The following ZCWPW2 variants were observed in gnomAD, a reference collection of about 807,000 sequenced individuals.
ZCWPW2 encodes zinc finger CW-type PWWP domain protein 2.
In ZCWPW2, 45 loss-of-function variants were observed where a neutral mutation model predicts 46.6. The observed-to-expected ratio is 0.96, with a 90% CI of 0.76 to 1.24. The LOEUF is 1.24. Ranked by LOEUF, ZCWPW2 falls within the 50% of genes most tolerant of loss-of-function variation. The pLI is 0.00. For missense variants in ZCWPW2, 429 were observed against 403.9 expected, an observed-to-expected ratio of 1.06 and a Z score of -0.53; for synonymous variants, 152 against 137.1, an observed-to-expected ratio of 1.11 and a Z score of -0.76.
At chr3:28,354,094 G>A (rs939011511) in intron 1 of ZCWPW2, among the ~76,000 whole-genome samples, 3 of 151,976 alleles carry the variant, frequency 2.0e-5, no homozygotes, top group Admixed American at 6.6e-5. Context: ...GAGGTAAAAC[G>A]TATTAGAGAA....
chr3:28,514,133 T>C lies in ZCWPW2; in HGVS notation c.716+11T>C, dbSNP rs1367838086. The C allele has an allele frequency of 6.9e-7, 1 of 1,440,032 alleles. No homozygotes were observed. Among genetic ancestry groups the C allele is most frequent in the Admixed American group, 2.0e-5 (1 of 49,820 alleles). The allele number at this position is 1,440,032 out of a possible 1,614,324, so 89.2% of individuals were successfully genotyped here. ...TAGAAAAAGGAAAAGGTATGCTTTT[T>C]GAAATTAAATAGTATTATGATAAAA... is the stretch of plus-strand genomic sequence containing the variant. On this transcript the variant is annotated intron_variant, in intron 7 of 9. Transcript: ENST00000383768.
In ZCWPW2 at chr3:28,365,465, A is replaced by G. The variant is rs1220806405; in HGVS notation, c.-134+16262A>G. On this transcript the variant is annotated intron_variant, in intron 1 of 9. Coordinates refer to ENST00000383768, the MANE Select transcript of ZCWPW2 (RefSeq NM_001040432.4). ...AAAGATCATATGGTTGTAGATATGCAGCATTATTTCTGAGGGCTCTGTTCT... is the reference window on the plus strand; with the variant it reads ...AAAGATCATATGGTTGTAGATATGCGGCATTATTTCTGAGGGCTCTGTTCT... Among the ~76,000 whole-genome samples, 3 of 140,446 alleles carry G rather than the reference A, an allele frequency of 2.1e-5. 1 individual carries two copies. The Admixed American group carries it at 2.3e-4, about 11-fold the overall frequency. 92.1% of individuals were successfully genotyped at this position (140,446 alleles called of 152,430 possible).
At chr3:28,375,095 T>C (rs1487549021) in intron 1 of ZCWPW2, among the ~76,000 whole-genome samples, 1 of 152,066 alleles carries the variant, frequency 6.6e-6, no homozygotes, top group Non-Finnish European at 1.5e-5. Flanking sequence ...CCTCTTCATC[T>C]CTTTTTAGTC....
chr3:28,358,219 C>G (rs1704813113), intron 1 of ZCWPW2, among the ~76,000 whole-genome samples: 1 of 152,078 alleles, frequency 6.6e-6, no homozygotes, highest in South Asian at 2.1e-4. Context: ...TCTTTAAAAA[C>G]TGTAAATGTT....
At chr3:28,411,950 G>A (rs1696418280) in intron 2 of ZCWPW2, among the ~76,000 whole-genome samples, 1 of 151,980 alleles carries the variant, frequency 6.6e-6, no homozygotes, top group African/African-American at 2.4e-5. Context: ...ACATTTGCAT[G>A]AGTGGGATTA....
chr3:28,390,197 T>C (rs544824171), intron 1 of ZCWPW2, among the ~76,000 whole-genome samples: 1 of 152,164 alleles, frequency 6.6e-6, no homozygotes, highest in Non-Finnish European at 1.5e-5. Flanking sequence ...AGAGTAAAAG[T>C]GCGGATGTGA....
At chr3:28,521,358 G>A (rs1369856604) in intron 9 of ZCWPW2, among the ~76,000 whole-genome samples, 1 of 151,986 alleles carries the variant, frequency 6.6e-6, no homozygotes, top group African/African-American at 2.4e-5. Context: ...TAAATCTTTG[G>A]GATTGGAGTG....
intron 2 of ZCWPW2, among the ~76,000 whole-genome samples, chr3:28,397,006 G>T (rs1008264650): frequency 6.6e-6 from 1 of 151,788 alleles, no homozygotes; most frequent in Admixed American, 6.6e-5. Flanking sequence ...GCACATGCCT[G>T]TAATCCCAGC....
intron 4 of ZCWPW2, among the ~76,000 whole-genome samples, chr3:28,455,035 C>T (rs113665452): frequency 2.6e-5 from 4 of 152,206 alleles, no homozygotes; most frequent in Admixed American, 6.5e-5. Context: ...GTATTTCTGT[C>T]TCAAGATCTT....
intron 3 of ZCWPW2, among the ~76,000 whole-genome samples, chr3:28,414,082 A>G (rs1159818794): frequency 6.6e-6 from 1 of 151,980 alleles, no homozygotes; most frequent in Non-Finnish European, 1.5e-5. Context: ...ATTATAACCT[A>G]TTATATTTGT....
chr3:28,432,994 A>G (rs562523487), intron 3 of ZCWPW2, among the ~76,000 whole-genome samples: 3 of 152,226 alleles, frequency 2.0e-5, no homozygotes, highest in African/African-American at 4.8e-5. Context: ...TCTTTTGACT[A>G]TGGTATCAGA....
chr3:28,398,687 T>C (rs1002127515), intron 2 of ZCWPW2, among the ~76,000 whole-genome samples: 1 of 152,042 alleles, frequency 6.6e-6, no homozygotes. Flanking sequence ...AAACTGAAGA[T>C]CTAGATTACG....
chr3:28,399,403 C>T (rs1227090148), intron 2 of ZCWPW2, among the ~76,000 whole-genome samples: 2 of 152,132 alleles, frequency 1.3e-5, no homozygotes, highest in Non-Finnish European at 2.9e-5. Context: ...GGGCCCCACC[C>T]ACCACCTGTT....
rs1698720054 is a variant in ZCWPW2, at chr3:28,463,555, A to G, written c.493-15259A>G. On this transcript the variant is annotated intron_variant, in intron 4 of 9. Transcript: ENST00000383768. ...TTTAGTGAAAGTCTTTAGAACCTCA[A>G]GCTAAGTACAAAAATAATTATTTTT... Among the ~76,000 whole-genome samples, 3 of 152,214 alleles carry G rather than the reference A, an allele frequency of 2.0e-5. 1 individual carries two copies. The South Asian group carries it at 6.2e-4, about 32-fold the overall frequency.
chr3:28,379,449 C>G (rs541399512), intron 1 of ZCWPW2, among the ~76,000 whole-genome samples: 1 of 152,124 alleles, frequency 6.6e-6, no homozygotes, highest in Admixed American at 6.5e-5. Context: ...AAAAAATGCC[C>G]TTAAGAATGT....
intron 8 of ZCWPW2, among the ~76,000 whole-genome samples, chr3:28,516,851 A>T (rs79686749): frequency 7.5e-6 from 1 of 133,224 alleles, no homozygotes; most frequent in Non-Finnish European, 1.6e-5. Flanking sequence ...TACTAAAATT[A>T]AAAAAAAAAA....
chr3:28,495,893 A>T (rs1426198945), intron 6 of ZCWPW2, among the ~76,000 whole-genome samples: 2 of 152,036 alleles, frequency 1.3e-5, no homozygotes. Context: ...GACACTAGAT[A>T]TTCTGAGATG....
At chr3:28,388,017 A>G (rs1695339243) in intron 1 of ZCWPW2, among the ~76,000 whole-genome samples, 1 of 152,148 alleles carries the variant, frequency 6.6e-6, no homozygotes, top group Non-Finnish European at 1.5e-5. Context: ...GGCAAATCCA[A>G]AATATGGTGG....
chr3:28,438,465 T>C (rs1697588346), intron 4 of ZCWPW2, among the ~76,000 whole-genome samples: 1 of 152,190 alleles, frequency 6.6e-6, no homozygotes, highest in Admixed American at 6.5e-5. Flanking sequence ...TGAGTGGACT[T>C]AAAGTTTTAG....
Sources: allele counts gnomAD v4.1 joint callset (sites outside exome capture counted in the v4.1 genomes callset), GRCh38; gene constraint gnomAD v4.1.1; transcripts MANE v1.5; gene names NCBI Gene and HGNC (gene_info 2026-07-23, HGNC 2026-07-21).